The following NRXN3 variants were observed in gnomAD, a reference collection of about 807,000 sequenced individuals.
The protein encoded by NRXN3 is neurexin 3.
Under a neutral mutation model 137.6 loss-of-function variants are expected in NRXN3, and 32 were observed. That is an observed-to-expected ratio of 0.23 (90% confidence interval 0.18 to 0.31). The LOEUF (loss-of-function observed/expected upper bound fraction) is 0.31. Among genes scored for constraint, NRXN3 ranks in the 10% least tolerant of loss-of-function variants. The pLI, the probability that NRXN3 is intolerant of heterozygous loss-of-function variation, is 1.00. For synonymous variants in NRXN3, 798 were observed against 784.5 expected (o/e 1.02, Z -0.29); for missense variants, 1,574 against 2,062.5 (o/e 0.76, Z 4.59).
intron 4 of NRXN3, among the ~76,000 whole-genome samples, chr14:78,459,479 C>A (rs1392976231): frequency 1.3e-5 from 2 of 152,178 alleles, no homozygotes; most frequent in African/African-American, 4.8e-5. Context: ...GGAAGGTCTT[C>A]CCTCTGCTGT....
chr14:79,076,203 A>T (rs142893781), intron 15 of NRXN3, among the ~76,000 whole-genome samples: 1,924 of 152,222 alleles, frequency 0.013, 20 homozygotes, highest in Admixed American at 0.022. Flanking sequence ...TTGTTCATTC[A>T]TGGAGTTGTT....
intron 16 of NRXN3, among the ~76,000 whole-genome samples, chr14:79,489,961 C>G (rs1273966682): frequency 6.9e-6 from 1 of 145,952 alleles, no homozygotes; most frequent in African/African-American, 2.5e-5. Flanking sequence ...ATGGCGTGAA[C>G]CTGGGAGGCA....
chr14:78,361,126 C>G (rs1458089617), intron 4 of NRXN3, among the ~76,000 whole-genome samples: 1 of 152,178 alleles, frequency 6.6e-6, no homozygotes, highest in Non-Finnish European at 1.5e-5. Flanking sequence ...ATAACTGTAA[C>G]TGAATCTTAG....
At chr14:79,698,976 A>G (rs1383738256) in intron 19 of NRXN3, among the ~76,000 whole-genome samples, 2 of 152,012 alleles carry the variant, frequency 1.3e-5, no homozygotes, top group Non-Finnish European at 2.9e-5. Context: ...GGTAATGGTA[A>G]GTGTATTATC....
intron 16 of NRXN3, among the ~76,000 whole-genome samples, chr14:79,470,389 A>G (rs538976998): frequency 1.8e-4 from 28 of 152,182 alleles, no homozygotes; most frequent in Admixed American, 6.5e-4. Context: ...CCCAGTCTTC[A>G]CCTCTAAGGC....
intron 14 of NRXN3, among the ~76,000 whole-genome samples, chr14:78,986,614 CAG>C (rs913383086): frequency 1.3e-5 from 2 of 152,104 alleles, no homozygotes; most frequent in African/African-American, 4.8e-5. Context: ...GAAAGACACA[CAG>C]AAATAGAAAT....
intron 19 of NRXN3, among the ~76,000 whole-genome samples, chr14:79,729,481 T>C (rs947834536): frequency 6.6e-6 from 1 of 152,198 alleles, no homozygotes; most frequent in South Asian, 2.1e-4. Flanking sequence ...GATGGCCATA[T>C]ACCTTGCTTA....
chr14:79,662,480 A>G (rs2098538892), intron 16 of NRXN3, among the ~76,000 whole-genome samples: 1 of 152,126 alleles, frequency 6.6e-6, no homozygotes, highest in African/African-American at 2.4e-5. Flanking sequence ...ATTATTATGT[A>G]TGCTTTGTGT....
intron 15 of NRXN3, among the ~76,000 whole-genome samples, chr14:79,286,645 G>C (rs1400308078): frequency 6.6e-6 from 1 of 151,020 alleles, no homozygotes; most frequent in African/African-American, 2.4e-5. Flanking sequence ...TTGTCTGTTT[G>C]TTTCTGTGCT....
intron 16 of NRXN3, among the ~76,000 whole-genome samples, chr14:79,630,878 A>C (rs2098337735): frequency 6.6e-6 from 1 of 152,210 alleles, no homozygotes; most frequent in African/African-American, 2.4e-5. Flanking sequence ...ATATAGATAC[A>C]TTTAGGTCTG....
intron 15 of NRXN3, among the ~76,000 whole-genome samples, chr14:79,012,175 G>A (rs940933258): frequency 6.6e-6 from 1 of 152,184 alleles, no homozygotes; most frequent in Admixed American, 6.5e-5. Context: ...GCAGGGTGAT[G>A]TGAAACATAT....
intron 15 of NRXN3, among the ~76,000 whole-genome samples, chr14:79,203,362 A>G (rs2066334181): frequency 6.6e-6 from 1 of 152,236 alleles, no homozygotes; most frequent in South Asian, 2.1e-4. Context: ...GATAATATAT[A>G]TACCTCCAGG....
At chr14:78,875,765 A>G (rs2099112576) in intron 10 of NRXN3, among the ~76,000 whole-genome samples, 1 of 152,218 alleles carries the variant, frequency 6.6e-6, no homozygotes, top group Admixed American at 6.5e-5. Context: ...GAATTTACCA[A>G]CTTTTCACGC....
intron 9 of NRXN3, 138 bp from the exon 10 acceptor site, chr14:78,810,180 A>G: frequency 1.6e-6 from 1 of 622,776 alleles, no homozygotes; most frequent in South Asian, 1.8e-5. Flanking sequence ...TTAAACTTGT[A>G]CATACTTTAT....
At chr14:78,918,991 A>G (rs1158449632) in intron 10 of NRXN3, among the ~76,000 whole-genome samples, 1 of 152,212 alleles carries the variant, frequency 6.6e-6, no homozygotes, top group Non-Finnish European at 1.5e-5. Context: ...GAATATGAAT[A>G]CACATGATTT....
chr14:79,318,348 G>A (rs773792005), intron 15 of NRXN3, among the ~76,000 whole-genome samples: 1 of 152,228 alleles, frequency 6.6e-6, no homozygotes, highest in Admixed American at 6.5e-5. Context: ...AAGCAATTAG[G>A]GAAGGAAGGA....
At chr14:79,463,057 G>A (rs1029218692) in intron 15 of NRXN3, among the ~76,000 whole-genome samples, 8 of 152,022 alleles carry the variant, frequency 5.3e-5, no homozygotes, top group South Asian at 2.1e-4. Context: ...GGCAGGGCCA[G>A]GGGGTTTCTA....
At chr14:78,290,590 G>T (rs183667850) in intron 3 of NRXN3, among the ~76,000 whole-genome samples, 21 of 152,226 alleles carry the variant, frequency 1.4e-4, no homozygotes, top group South Asian at 6.2e-4. Flanking sequence ...CACGATCCAC[G>T]ATTGTGCCAC....
intron 14 of NRXN3, 97 bp downstream of exon 14, chr14:78,968,443 C>A: frequency 5.3e-6 from 6 of 1,127,626 alleles, no homozygotes; most frequent in East Asian, 2.5e-5. Flanking sequence ...GTTGACCAGT[C>A]CTGTCTCATT....
Sources: gnomAD v4.1 joint callset for allele counts (sites outside exome capture counted in the v4.1 genomes callset) on GRCh38, gnomAD v4.1.1 for gene constraint, MANE v1.5 for transcripts, NCBI Gene and HGNC (gene_info 2026-07-23, HGNC 2026-07-21) for gene names.